The following ASXL1 variants were observed in gnomAD, a reference collection of about 807,000 sequenced individuals.
ASXL1 encodes polycomb group protein ASXL1.
Under a neutral mutation model 89.1 loss-of-function variants are expected in ASXL1, and 65 were observed. That is an observed-to-expected ratio of 0.73 (90% CI 0.60 to 0.90). The LOEUF (loss-of-function observed/expected upper bound fraction) is 0.90, where lower values mean the gene tolerates loss of function less well. Among genes scored for constraint, ASXL1 ranks in the 40% least tolerant of loss-of-function variants. ASXL1 has a pLI of 0.00. For synonymous variants in ASXL1, 739 were observed against 746.9 expected (o/e 0.99, Z 0.17); for missense variants, 1,786 against 1,942.9 (o/e 0.92, Z 1.52).
intron 4 of ASXL1, among the ~76,000 whole-genome samples, chr20:32,388,017 G>A (rs1331782961): frequency 6.6e-6 from 1 of 152,116 alleles, no homozygotes; most frequent in Admixed American, 6.6e-5. Context: ...AATAAATCCT[G>A]TTGGCTCTAT....
At position 32,358,702 on chromosome 20, in the gene ASXL1, AG is replaced by A. The variant is rs1210622942; in HGVS notation, c.-73del. On this transcript the variant is annotated 5_prime_UTR_variant, in exon 1 of 13. Transcript: ENST00000375687. ...CCCCCCCCACCGCCGCCGCCGCCCC[AG>A]CCCCGCGCCACCGCCCCAGCCCGCC... 3 of 855,978 alleles carry A rather than the reference AG, an allele frequency of 3.5e-6. No individual in the cohort carries two copies. Among genetic ancestry groups the A allele is most frequent in the Non-Finnish European group, 4.7e-6 (3 of 634,874 alleles). The allele number at this position is 855,978 out of a possible 1,614,324, so 53.0% of individuals were successfully genotyped here.
intron 10 of ASXL1, chr20:32,432,632 T>C (rs574297507): frequency 4.4e-6 from 2 of 451,774 alleles, no homozygotes; most frequent in Non-Finnish European, 8.2e-6. Flanking sequence ...ACTTTTTATC[T>C]ACACAGGAAA....
intron 4 of ASXL1, among the ~76,000 whole-genome samples, chr20:32,387,422 G>T (rs1178758951): frequency 6.6e-6 from 1 of 152,190 alleles, no homozygotes; most frequent in Non-Finnish European, 1.5e-5. Context: ...TGTGATGCTT[G>T]AGAGTCAGGC....
rs866076600 is a variant in ASXL1, at chr20:32,398,758, C to T, written c.253-29370C>T. ...CCAAGTAGCTGGGACTACAGGCGCC[C>T]GCCACTACGCCCGGCTCATTTTTTG... On this transcript the variant is annotated intron_variant, in intron 4 of 12. Coordinates refer to ENST00000375687, the MANE Select transcript of ASXL1 (RefSeq NM_015338.6). 4.6e-4 allele frequency among the ~76,000 whole-genome samples: 70 copies of T among 151,228 alleles called. No individual in the cohort carries two copies. The South Asian group carries it at 5.8e-3, about 13-fold the overall frequency.
intron 4 of ASXL1, among the ~76,000 whole-genome samples, chr20:32,388,355 T>C (rs1001757806): frequency 5.3e-5 from 8 of 152,166 alleles, no homozygotes; most frequent in African/African-American, 1.9e-4. Flanking sequence ...TTGTATTTTT[T>C]AGTAGAGATG....
At chr20:32,422,149 G>A (rs908738105) in intron 4 of ASXL1, among the ~76,000 whole-genome samples, 5 of 150,328 alleles carry the variant, frequency 3.3e-5, no homozygotes, top group African/African-American at 1.2e-4. Flanking sequence ...AAAGTGCTGG[G>A]ATTACAGGTG....
rs886234625 is a variant in ASXL1 at position 32,434,162 on chromosome 20, T to A, written c.1719+245T>A. Reference sequence around the variant, plus strand: ...ATCCTTTGGGGTTTTAAAATCTTTTTAAGATAGCATTAGATTCTTTGCTAT... The same window carrying A: ...ATCCTTTGGGGTTTTAAAATCTTTTAAAGATAGCATTAGATTCTTTGCTAT... On this transcript the variant is annotated intron_variant, in intron 12 of 12. Transcript: ENST00000375687. The A allele has an allele frequency of 9.9e-6, 7 of 709,396 alleles. No homozygotes were observed. The African/African-American group carries it at 1.1e-4, about 11-fold the overall frequency. 43.9% of individuals were successfully genotyped at this position (709,396 alleles called of 1,614,324 possible).
chr20:32,426,869 TATTA>T (rs2123201767), intron 4 of ASXL1, among the ~76,000 whole-genome samples: 1 of 152,200 alleles, frequency 6.6e-6, no homozygotes, highest in African/African-American at 2.4e-5. Context: ...GCCTCTTTTT[TATTA>T]ATTTAAGATA....
At chr20:32,406,761 G>A (rs142749172) in intron 4 of ASXL1, among the ~76,000 whole-genome samples, 8 of 152,192 alleles carry the variant, frequency 5.3e-5, no homozygotes, top group Non-Finnish European at 8.8e-5. Flanking sequence ...CTCAACCCGC[G>A]TGGGCTTCAA....
chr20:32,400,035 T>G (rs898313646), intron 4 of ASXL1, among the ~76,000 whole-genome samples: 2 of 152,116 alleles, frequency 1.3e-5, no homozygotes, highest in Admixed American at 6.6e-5. Flanking sequence ...TTGATGGGAT[T>G]ACAGGTGTGA....
chr20:32,369,070 G>A lies in ASXL1; in HGVS notation c.199G>A (p.Gly67Arg), dbSNP rs2048253264. Residue 67 changes from glycine (G) to arginine (R), a missense_variant, in exon 4 of 13, where the codon GGA becomes AGA. Gly to Arg is a moderately radical substitution (Grantham distance 125). This residue lies in a region of ASXL1 where 332 missense variants were observed against 449.7 expected (regional missense o/e 0.74). Coordinates refer to ENST00000375687, the MANE Select transcript of ASXL1 (RefSeq NM_015338.6). ...NAMLHSNSRG[G>R]EGLFYKLPGR... ...TATGCTACATTCCAATTCAAGAGGA[G>A]GAGAGGGGTTGTTTTATAAACTGCC... is the stretch of plus-strand genomic sequence containing the variant. 1 of 1,614,108 alleles carries A rather than the reference G, an allele frequency of 6.2e-7. No individual in the cohort carries two copies. Among genetic ancestry groups the A allele is most frequent in the Non-Finnish European group, 8.5e-7 (1 of 1,179,998 alleles).
intron 4 of ASXL1, among the ~76,000 whole-genome samples, chr20:32,422,597 T>C (rs906114124): frequency 1.2e-4 from 18 of 147,088 alleles, no homozygotes; most frequent in African/African-American, 4.6e-4. Flanking sequence ...TTTTTTTTTT[T>C]TTTTTTAAAG....
At position 32,434,662 on chromosome 20, in the gene ASXL1, T is replaced by C; in HGVS notation, c.1950T>C (p.Gly650=). 6.3e-7 allele frequency: 1 copy of C among 1,598,946 alleles called. No homozygotes were observed. Among genetic ancestry groups the C allele is most frequent in the African/African-American group, 1.4e-5 (1 of 74,016 alleles). ...GAGGGGGGGGTGGCCCGGGTGGAGG[T>C]GGCGGCGGGGCCACCGATGAGGGAG... ...AIGGGGGPGG[G]GGGATDEGGG... The change falls in exon 13 of 13, where the codon GGT becomes GGC. Residue 650 remains glycine (G), a synonymous_variant. Transcript: ENST00000375687.
At chr20:32,384,196 C>A (rs996938499) in intron 4 of ASXL1, among the ~76,000 whole-genome samples, 1 of 121,032 alleles carries the variant, frequency 8.3e-6, no homozygotes, top group African/African-American at 3.2e-5. Flanking sequence ...TAGCAGCAGT[C>A]TGTTTTTTTT....
chr20:32,362,079 GA>G (rs371733846), intron 1 of ASXL1, among the ~76,000 whole-genome samples: 215 of 152,058 alleles, frequency 1.4e-3, no homozygotes, highest in African/African-American at 4.9e-3. Flanking sequence ...CAAAACAAAA[GA>G]AAAAACCAGT....
At position 32,429,771 on chromosome 20, in the gene ASXL1, A is replaced by T; in HGVS notation, c.566-130A>T. On this transcript the variant is annotated intron_variant, in intron 7 of 12. Transcript: ENST00000375687. This position sits in a 1 kb window ranked among gnomAD's most constrained non-coding sequence, Gnocchi z 4.9. ...ATGAAGTGGTGGTTTCTCTCAGCCTAAGGCTGGGAGATGGAAGCATCCCAG... is the reference window on the plus strand; with the variant it reads ...ATGAAGTGGTGGTTTCTCTCAGCCTTAGGCTGGGAGATGGAAGCATCCCAG... 7.7e-7 allele frequency: 1 copy of T among 1,293,568 alleles called. No individual in the cohort carries two copies. Among genetic ancestry groups the T allele is most frequent in the Non-Finnish European group, 1.1e-6 (1 of 938,662 alleles). The allele number at this position is 1,293,568 out of a possible 1,614,324, so 80.1% of individuals were successfully genotyped here. A position where few individuals can be genotyped will look rare whatever the true frequency, so the allele number is the denominator to read the frequency against.
chr20:32,391,230 T>C (rs2048665926), intron 4 of ASXL1, among the ~76,000 whole-genome samples: 1 of 152,148 alleles, frequency 6.6e-6, no homozygotes, highest in Non-Finnish European at 1.5e-5. Flanking sequence ...TATCTCATTG[T>C]ATAGATGTAC....
intron 4 of ASXL1, among the ~76,000 whole-genome samples, chr20:32,389,585 C>T (rs1024857120): frequency 1.3e-5 from 2 of 152,114 alleles, no homozygotes; most frequent in African/African-American, 4.8e-5. Flanking sequence ...GCCCCCCTGC[C>T]CCGCCTTTTT....
rs2123252570 is a variant in ASXL1 at position 32,433,313 on chromosome 20, A to T, written c.1115A>T (p.Gln372Leu). ...GGTTTGACCAAAGAAGAGTCATTGC[A>T]GCAGAACGTGGGCCAGGAGGAGGCT... ...KLGLTKEESL[Q>L]QNVGQEEAEI... is the part of the protein sequence containing the mutation. The change falls in exon 12 of 13, where the codon CAG (glutamine) becomes CTG (leucine). Residue 372 changes from glutamine to leucine, a missense_variant. Around this residue, in one of 3 missense-constraint regions of ASXL1, gnomAD observed 1,418 missense variants for 1,427.8 expected, o/e 0.99. Transcript: ENST00000375687. 1 of 1,614,186 alleles carries T rather than the reference A, an allele frequency of 6.2e-7. No homozygotes were observed. The highest frequency in any genetic ancestry group is 8.5e-7 in the Non-Finnish European group (1 of 1,180,040).
Sources: gnomAD v4.1 joint callset for allele counts (sites outside exome capture counted in the v4.1 genomes callset) on GRCh38, gnomAD v4.1.1 for gene constraint, gnomAD v4.1.1 regional missense constraint, Gnocchi (gnomAD v3.1) non-coding constraint, MANE v1.5 for transcripts, NCBI Gene and HGNC (gene_info 2026-07-23, HGNC 2026-07-21) for gene names.